The following IQCJ variants were observed in gnomAD, a reference collection of about 807,000 sequenced individuals.
IQCJ encodes IQ motif containing J, also known as IQ domain-containing protein J.
Under a neutral mutation model 11.0 loss-of-function variants are expected in IQCJ, and 9 were observed. That is an observed-to-expected ratio of 0.82 (90% CI 0.49 to 1.43). The LOEUF is 1.43. Ranked by LOEUF, IQCJ falls within the 40% of genes most tolerant of loss-of-function variation. The pLI is 0.00. For missense variants in IQCJ, 146 were observed against 133.2 expected, an observed-to-expected ratio of 1.10 and a Z score of -0.47; for synonymous variants, 55 against 51.3, an observed-to-expected ratio of 1.07 and a Z score of -0.31.
intron 3 of IQCJ, among the ~76,000 whole-genome samples, chr3:159,253,858 T>C (rs1401530301): frequency 6.6e-6 from 1 of 152,188 alleles, no homozygotes; most frequent in African/African-American, 2.4e-5. Context: ...CACAAATACA[T>C]AATATCCTGC....
chr3:159,253,594 C>T (rs553502964), intron 3 of IQCJ, among the ~76,000 whole-genome samples: 39 of 131,154 alleles, frequency 3.0e-4, no homozygotes, highest in African/African-American at 1.1e-3. Flanking sequence ...TCTCTCTCCC[C>T]ACCCTCTCCC....
At chr3:159,136,531 C>T (rs1454365020) in intron 1 of IQCJ, among the ~76,000 whole-genome samples, 1 of 152,150 alleles carries the variant, frequency 6.6e-6, no homozygotes, top group East Asian at 1.9e-4. Context: ...AACTGGGTGG[C>T]TTATGAACAG....
At chr3:159,255,142 G>A (rs1727824540) in intron 3 of IQCJ, among the ~76,000 whole-genome samples, 1 of 152,166 alleles carries the variant, frequency 6.6e-6, no homozygotes, top group East Asian at 1.9e-4. Flanking sequence ...TATTATCACA[G>A]GCTTTCTCTT....
At chr3:159,241,642 C>T (rs1463727185) in intron 1 of IQCJ, among the ~76,000 whole-genome samples, 1 of 152,172 alleles carries the variant, frequency 6.6e-6, no homozygotes, top group Non-Finnish European at 1.5e-5. Context: ...GTGTCCCTCA[C>T]ATTTCAAAAT....
chr3:159,234,440 G>A (rs915696236), intron 1 of IQCJ, among the ~76,000 whole-genome samples: 2 of 152,150 alleles, frequency 1.3e-5, no homozygotes, highest in Admixed American at 6.5e-5. Flanking sequence ...TAGGGAGTTA[G>A]GAATGTTTTT....
chr3:159,162,030 A>G (rs1346179385), intron 1 of IQCJ, among the ~76,000 whole-genome samples: 2 of 152,204 alleles, frequency 1.3e-5, no homozygotes, highest in East Asian at 3.8e-4. Context: ...TTTTGGTGCC[A>G]TATGAACTTT....
intron 1 of IQCJ, among the ~76,000 whole-genome samples, chr3:159,149,595 G>A (rs892054249): frequency 1.3e-5 from 2 of 152,118 alleles, no homozygotes. Context: ...GAAATATAAT[G>A]GGAATATGAT....
chr3:159,132,851 G>T (rs1344693905), intron 1 of IQCJ, among the ~76,000 whole-genome samples: 3 of 152,140 alleles, frequency 2.0e-5, no homozygotes, highest in African/African-American at 4.8e-5. Flanking sequence ...TGAGAATACT[G>T]ATCTACATGA....
chr3:159,133,182 A>C (rs538489062), intron 1 of IQCJ, among the ~76,000 whole-genome samples: 1 of 152,348 alleles, frequency 6.6e-6, no homozygotes, highest in Admixed American at 6.5e-5. Context: ...CCCAGGACAC[A>C]TGTGGTTCTC....
At chr3:159,201,511 C>CTGTG (rs59855853) in intron 1 of IQCJ, among the ~76,000 whole-genome samples, 1,817 of 149,170 alleles carry the variant, frequency 0.012, 16 homozygotes, top group Middle Eastern at 0.036. Context: ...TTGTGTATCT[C>CTGTG]TGTGTGTGTG....
At chr3:159,249,658 T>C (rs148930694) in intron 2 of IQCJ, among the ~76,000 whole-genome samples, 52 of 152,350 alleles carry the variant, frequency 3.4e-4, no homozygotes, top group African/African-American at 1.2e-3. Context: ...AGTGAGCAGA[T>C]TAGGCATTTC....
intron 1 of IQCJ, among the ~76,000 whole-genome samples, chr3:159,142,648 C>T (rs56395019): frequency 0.02 from 3,096 of 152,202 alleles, 102 homozygotes; most frequent in African/African-American, 0.071. Context: ...GAACTCCTGA[C>T]GTCAGGTGAT....
chr3:159,225,595 G>A (rs7648725), intron 1 of IQCJ, among the ~76,000 whole-genome samples: 7,387 of 151,770 alleles, frequency 0.049, 604 homozygotes, highest in African/African-American at 0.17. Context: ...CATGGCTTTC[G>A]TGGTATACTA....
At chr3:159,237,238 C>T (rs1487334099) in intron 1 of IQCJ, among the ~76,000 whole-genome samples, 1 of 152,130 alleles carries the variant, frequency 6.6e-6, no homozygotes, top group Non-Finnish European at 1.5e-5. Context: ...AAAGAACATA[C>T]GCTGCTTGCT....
At chr3:159,086,143 A>C (rs1375900098) in intron 1 of IQCJ, among the ~76,000 whole-genome samples, 13 of 152,192 alleles carry the variant, frequency 8.5e-5, no homozygotes, top group Non-Finnish European at 1.9e-4. Flanking sequence ...ATGGCTAGCC[A>C]GTTTTCCCAG....
chr3:159,251,760 G>T (rs1453264609), intron 2 of IQCJ, among the ~76,000 whole-genome samples: 2 of 152,058 alleles, frequency 1.3e-5, no homozygotes, highest in Non-Finnish European at 2.9e-5. Flanking sequence ...AGTGCCTTCT[G>T]GTGGAGAGAG....
intron 1 of IQCJ, among the ~76,000 whole-genome samples, chr3:159,240,150 T>C (rs1267672844): frequency 1.3e-5 from 2 of 152,196 alleles, no homozygotes; most frequent in African/African-American, 2.4e-5. Flanking sequence ...AACCAGAGTC[T>C]ATAGGACTAA....
At chr3:159,080,024 C>A (rs1312644095) in intron 1 of IQCJ, among the ~76,000 whole-genome samples, 1 of 152,052 alleles carries the variant, frequency 6.6e-6, no homozygotes, top group Non-Finnish European at 1.5e-5. Flanking sequence ...AACATGACTT[C>A]CATTTATTTA....
chr3:159,247,005 A>G (rs1727314877), intron 2 of IQCJ, among the ~76,000 whole-genome samples: 1 of 152,236 alleles, frequency 6.6e-6, no homozygotes, highest in Admixed American at 6.5e-5. Context: ...TTCCTCACTC[A>G]TTATAAGGAG....
Sources: allele counts gnomAD v4.1 joint callset (sites outside exome capture counted in the v4.1 genomes callset), GRCh38; gene constraint gnomAD v4.1.1; transcripts MANE v1.5; gene names NCBI Gene and HGNC (gene_info 2026-07-23, HGNC 2026-07-21).